FOXP2: variants seen among roughly 807,000 people sequenced by gnomAD.
FOXP2 encodes the protein forkhead box P2, also known as forkhead box protein P2.
FOXP2 carries 12 observed loss-of-function variants against 115.8 expected under a neutral mutation model. The observed-to-expected ratio is 0.10, with a 90% CI of 0.07 to 0.17. The LOEUF (loss-of-function observed/expected upper bound fraction) is 0.17. FOXP2 is among the 10% of genes least tolerant of loss of function. FOXP2 has a pLI of 1.00. For synonymous variants in FOXP2, 328 were observed against 297.7 expected (o/e 1.10, Z -1.05); for missense variants, 629 against 843.5 (o/e 0.75, Z 3.15).
intron 1 of FOXP2, among the ~76,000 whole-genome samples, chr7:114,199,670 A>G (rs903164594): frequency 6.6e-6 from 1 of 152,162 alleles, no homozygotes; most frequent in African/African-American, 2.4e-5. Context: ...TTACATTGAG[A>G]CCCCACAAGG....
intron 1 of FOXP2, among the ~76,000 whole-genome samples, chr7:114,103,941 C>A (rs1292369342): frequency 6.6e-6 from 1 of 151,826 alleles, no homozygotes; most frequent in East Asian, 1.9e-4. Context: ...CTTATGTGAA[C>A]TCTATTCTTA....
rs568216119 is a variant in FOXP2, at chr7:114,408,435, A to G, written c.-10-18067A>G. Among the ~76,000 whole-genome samples the G allele has an allele frequency of 5.3e-5, 8 of 152,284 alleles. No individual in the cohort carries two copies. The East Asian group carries it at 1.5e-3, about 29-fold the overall frequency. Reference sequence around the variant, plus strand: ...TGATTAAATGCTAAGTATTTATAACATAATGAATGGGCCAGGCGCAGTGGC... The same window carrying G: ...TGATTAAATGCTAAGTATTTATAACGTAATGAATGGGCCAGGCGCAGTGGC... On this transcript the variant is annotated intron_variant, in intron 2 of 17. Coordinates refer to the FOXP2 transcript ENST00000634411.
intron 2 of FOXP2, among the ~76,000 whole-genome samples, chr7:114,512,322 A>G (rs545497683): frequency 6.6e-6 from 1 of 152,336 alleles, no homozygotes; most frequent in South Asian, 2.1e-4. Context: ...TTCTATGCCC[A>G]TTGATAAGAA....
chr7:114,628,714 C>G, intron 4 of FOXP2, 37 bp downstream of exon 4: 1 of 1,613,358 alleles, frequency 6.2e-7, no homozygotes, highest in Non-Finnish European at 8.5e-7. Context: ...TCTAGCATGA[C>G]TTAGAAGGTG....
At chr7:114,302,751 G>A (rs1796907862) in intron 2 of FOXP2, among the ~76,000 whole-genome samples, 1 of 152,112 alleles carries the variant, frequency 6.6e-6, no homozygotes, top group Non-Finnish European at 1.5e-5. Flanking sequence ...CATCTTAGCA[G>A]ACTGGAGCAA....
chr7:114,107,366 A>T (rs1332256711), intron 1 of FOXP2, among the ~76,000 whole-genome samples: 1 of 151,998 alleles, frequency 6.6e-6, no homozygotes, highest in South Asian at 2.1e-4. Flanking sequence ...CTGTGGTGCT[A>T]TAATAATACA....
At chr7:114,432,647 T>G (rs1794165991) in intron 2 of FOXP2, among the ~76,000 whole-genome samples, 1 of 151,970 alleles carries the variant, frequency 6.6e-6, no homozygotes, top group South Asian at 2.1e-4. Flanking sequence ...GGCATCTATT[T>G]ACATTTATCA....
chr7:114,596,799 T>A (rs759577239), intron 3 of FOXP2, among the ~76,000 whole-genome samples: 18 of 152,060 alleles, frequency 1.2e-4, no homozygotes, highest in Non-Finnish European at 2.1e-4. Flanking sequence ...TAGTCTGGTA[T>A]TTAAGGCAGT....
rs1356498097 is a variant in FOXP2, at chr7:114,622,658, T to C, written c.259-5882T>C. On this transcript the variant is annotated intron_variant, in intron 3 of 16. Transcript: ENST00000350908. Reference sequence around the variant, plus strand: ...GCATGAAAGGATCTTCCTTCTCATATTTATTTTTGCTTTCTTAGAGAGTTG... The same window carrying C: ...GCATGAAAGGATCTTCCTTCTCATACTTATTTTTGCTTTCTTAGAGAGTTG... 3.3e-5 allele frequency among the ~76,000 whole-genome samples: 5 copies of C among 152,128 alleles called. No homozygotes were observed. The East Asian group carries it at 5.8e-4, about 18-fold the overall frequency.
At chr7:114,431,344 G>A (rs1343600538) in intron 2 of FOXP2, among the ~76,000 whole-genome samples, 2 of 151,904 alleles carry the variant, frequency 1.3e-5, no homozygotes, top group Middle Eastern at 3.2e-3. Context: ...AGTTGCTGGT[G>A]AATGTAAAAG....
intron 1 of FOXP2, among the ~76,000 whole-genome samples, chr7:114,144,601 A>G (rs1584505313): frequency 6.6e-6 from 1 of 152,178 alleles, no homozygotes; most frequent in East Asian, 1.9e-4. Flanking sequence ...TTTCTGACAT[A>G]TTAAAATATT....
At chr7:114,144,379 A>G (rs1379627389) in intron 1 of FOXP2, among the ~76,000 whole-genome samples, 2 of 152,184 alleles carry the variant, frequency 1.3e-5, no homozygotes, top group African/African-American at 4.8e-5. Flanking sequence ...GAGCAATCAG[A>G]TAAACCTTTT....
chr7:114,381,247 T>G (rs10275426), intron 2 of FOXP2, among the ~76,000 whole-genome samples: 37 of 152,210 alleles, frequency 2.4e-4, no homozygotes, highest in African/African-American at 8.7e-4. Context: ...TTGAATAATT[T>G]TAGCGCTAAG....
chr7:114,150,142 A>C (rs909289964), intron 1 of FOXP2, among the ~76,000 whole-genome samples: 7 of 152,070 alleles, frequency 4.6e-5, no homozygotes, highest in African/African-American at 1.7e-4. Flanking sequence ...TTCAATTCTT[A>C]AAGGTAGATA....
intron 2 of FOXP2, among the ~76,000 whole-genome samples, chr7:114,491,711 G>T (rs1181682861): frequency 6.6e-6 from 1 of 152,018 alleles, no homozygotes; most frequent in African/African-American, 2.4e-5. Context: ...GCTGGATTAC[G>T]TTTATTGATT....
chr7:114,489,713 G>A (rs953519068), intron 2 of FOXP2, among the ~76,000 whole-genome samples: 3 of 151,970 alleles, frequency 2.0e-5, no homozygotes, highest in African/African-American at 7.3e-5. Flanking sequence ...AGTTCACCAG[G>A]TGGAGGTTAA....
chr7:114,332,403 A>G (rs1018587077), intron 2 of FOXP2, among the ~76,000 whole-genome samples: 1 of 152,172 alleles, frequency 6.6e-6, no homozygotes, highest in Non-Finnish European at 1.5e-5. Context: ...TTGTTGCTGC[A>G]TGAGGAGGGT....
intron 2 of FOXP2, among the ~76,000 whole-genome samples, chr7:114,458,846 A>G (rs1321950987): frequency 6.6e-6 from 1 of 152,070 alleles, no homozygotes; most frequent in Non-Finnish European, 1.5e-5. Flanking sequence ...AAACCATACT[A>G]AACTTAGTGG....
rs970129972 is a variant in FOXP2, at chr7:114,691,898, C to G, written c.*1972C>G. 17 of 450,054 alleles carry G rather than the reference C, an allele frequency of 3.8e-5. No homozygotes were observed. The highest frequency in any genetic ancestry group is 5.8e-5 in the Non-Finnish European group (13 of 225,844). The allele number at this position is 450,054 out of a possible 1,614,324, so 27.9% of individuals were successfully genotyped here. On this transcript the variant is annotated 3_prime_UTR_variant, in exon 17 of 17. Transcript: ENST00000350908. ...CTTTCAAAAGGGTTTTCCCACTTAC[C>G]CAAAAGGCTTTCTGAAAGCTTCTAC...
Sources: allele counts gnomAD v4.1 joint callset (sites outside exome capture counted in the v4.1 genomes callset), GRCh38; gene constraint gnomAD v4.1.1; transcripts MANE v1.5; gene names NCBI Gene and HGNC (gene_info 2026-07-23, HGNC 2026-07-21).